The following EVA1C variants were observed in gnomAD, a reference collection of about 807,000 sequenced individuals.
The protein encoded by EVA1C is eva-1 homolog C, also known as protein eva-1 homolog C.
In EVA1C, 25 loss-of-function variants were observed where a neutral mutation model predicts 45.4. That is an observed-to-expected ratio of 0.55 (90% CI 0.40 to 0.77). EVA1C has a LOEUF of 0.77. Among genes scored for constraint, EVA1C ranks in the 30% least tolerant of loss-of-function variants. The probability of loss-of-function intolerance (pLI) is 0.00; values close to 1 mark genes in which losing one functional copy is unlikely to be tolerated. For synonymous variants in EVA1C, 190 were observed against 221.2 expected (o/e 0.86, Z 1.25); for missense variants, 479 against 554.8 (o/e 0.86, Z 1.37).
intron 1 of EVA1C, among the ~76,000 whole-genome samples, chr21:32,447,947 C>T (rs994964311): frequency 5.3e-5 from 8 of 152,106 alleles, no homozygotes; most frequent in African/African-American, 1.9e-4. Context: ...TCAGGTGATC[C>T]GCCTGCCTCG....
chr21:32,434,167 G>A (rs2034830801), intron 1 of EVA1C, among the ~76,000 whole-genome samples: 1 of 151,802 alleles, frequency 6.6e-6, no homozygotes, highest in Non-Finnish European at 1.5e-5. Flanking sequence ...ATAGTGGCGG[G>A]CACCTGTAAT....
chr21:32,428,884 T>C (rs1325063283), intron 1 of EVA1C, among the ~76,000 whole-genome samples: 1 of 152,360 alleles, frequency 6.6e-6, no homozygotes, highest in African/African-American at 2.4e-5. Context: ...TGCATTTTAG[T>C]GAACCTGAGG....
At chr21:32,472,312 C>T (rs2036405639) in intron 4 of EVA1C, among the ~76,000 whole-genome samples, 1 of 152,124 alleles carries the variant, frequency 6.6e-6, no homozygotes, top group African/African-American at 2.4e-5. Context: ...GCATGTGCCA[C>T]CACACCCAGC....
chr21:32,486,525 A>C (rs2146371752), intron 4 of EVA1C, among the ~76,000 whole-genome samples: 1 of 152,218 alleles, frequency 6.6e-6, no homozygotes. Context: ...TCTGACTCTA[A>C]ATGCCCACCA....
intron 3 of EVA1C, among the ~76,000 whole-genome samples, chr21:32,462,537 T>A (rs117077905): frequency 0.015 from 2,311 of 152,350 alleles, 24 homozygotes; most frequent in Non-Finnish European, 0.024. Context: ...AGGTGGCTAG[T>A]GATGTGTTGG....
chr21:32,412,636 G>A, upstream of EVA1C: 1 of 414,580 alleles, frequency 2.4e-6, no homozygotes, highest in Non-Finnish European at 4.2e-6. Flanking sequence ...TCCTTTTCGG[G>A]GATCCTCGCC....
intron 4 of EVA1C, among the ~76,000 whole-genome samples, chr21:32,472,591 G>A (rs573949524): frequency 1.3e-5 from 2 of 151,844 alleles, no homozygotes; most frequent in East Asian, 1.9e-4. Flanking sequence ...AGCTATGATC[G>A]CACCTCTGCA....
intron 1 of EVA1C, among the ~76,000 whole-genome samples, chr21:32,415,123 C>G (rs2033985424): frequency 6.6e-6 from 1 of 152,130 alleles, no homozygotes; most frequent in Admixed American, 6.5e-5. Context: ...CCCCATGTGG[C>G]CTCAAAGCTT....
intron 1 of EVA1C, among the ~76,000 whole-genome samples, chr21:32,423,432 A>G (rs951667850): frequency 5.3e-5 from 8 of 152,116 alleles, no homozygotes; most frequent in African/African-American, 1.9e-4. Flanking sequence ...TACTCCAAAA[A>G]ATCATTCCTT....
intron 1 of EVA1C, among the ~76,000 whole-genome samples, chr21:32,445,632 A>G (rs1297313409): frequency 6.6e-6 from 1 of 152,156 alleles, no homozygotes; most frequent in African/African-American, 2.4e-5. Context: ...TGTAAATGTG[A>G]TGAGGATGAC....
chr21:32,448,621 A>T (rs903427139), intron 1 of EVA1C, among the ~76,000 whole-genome samples: 2 of 151,966 alleles, frequency 1.3e-5, no homozygotes, highest in African/African-American at 4.8e-5. Flanking sequence ...AGAAAAATGG[A>T]GAAGAGGCCA....
At chr21:32,459,838 CAA>C (rs35572319) in intron 3 of EVA1C, among the ~76,000 whole-genome samples, 9 of 63,180 alleles carry the variant, frequency 1.4e-4, no homozygotes, top group South Asian at 7.9e-4. Context: ...GAGACTGTCT[CAA>C]AAAAAAAAAA....
At chr21:32,434,989 T>C (rs2034882015) in intron 1 of EVA1C, among the ~76,000 whole-genome samples, 1 of 152,312 alleles carries the variant, frequency 6.6e-6, no homozygotes, top group African/African-American at 2.4e-5. Context: ...AGTGCTGTTG[T>C]TATTGTCTTC....
At position 32,457,689 on chromosome 21, in the gene EVA1C, A is replaced by G; in HGVS notation, c.450A>G (p.Lys150=). 6 of 1,614,112 alleles carry G rather than the reference A, an allele frequency of 3.7e-6. No homozygotes were observed. Among genetic ancestry groups the G allele is most frequent in the Non-Finnish European group, 5.1e-6 (6 of 1,179,996 alleles). ...FGPDLCPGSS[K]YLLVSFKCQP... ...CTGACCTTTGTCCAGGAAGCAGTAA[A>G]TACCTCCTGGTCTCCTTTAAATGCC... Residue 150 remains lysine (K), a synonymous_variant, in exon 3 of 8, where the codon AAA becomes AAG. Transcript: ENST00000300255.
intron 7 of EVA1C, among the ~76,000 whole-genome samples, chr21:32,509,294 C>T (rs568442754): frequency 2.0e-4 from 30 of 152,348 alleles, no homozygotes; most frequent in African/African-American, 7.0e-4. Context: ...CCAAGCATTG[C>T]CCATATTGTC....
intron 4 of EVA1C, among the ~76,000 whole-genome samples, chr21:32,475,922 T>C: frequency 8.4e-6 from 1 of 119,692 alleles, no homozygotes; most frequent in Admixed American, 9.3e-5. Flanking sequence ...TATCTATCTA[T>C]CTATCTATAT....
At chr21:32,418,421 G>T (rs1293411104) in intron 1 of EVA1C, among the ~76,000 whole-genome samples, 1 of 152,226 alleles carries the variant, frequency 6.6e-6, no homozygotes, top group Non-Finnish European at 1.5e-5. Context: ...CCCACAAGTG[G>T]TCCCTGTTAT....
Position 32,514,914 on chromosome 21 carries a change from C to G in EVA1C, c.1050C>G (p.Asp350Glu), listed in dbSNP as rs781735727. 6.2e-7 allele frequency: 1 copy of G among 1,614,090 alleles called. No individual in the cohort carries two copies. The highest frequency in any genetic ancestry group is 1.1e-5 in the South Asian group (1 of 91,074). Residue 350 changes from aspartate (D) to glutamate (E), a missense_variant, in exon 8 of 8, where the codon GAC (aspartate) becomes GAG (glutamate). This residue lies in a region of EVA1C where 366 missense variants were observed against 426.1 expected (regional missense o/e 0.86). Coordinates refer to ENST00000300255, the MANE Select transcript of EVA1C (RefSeq NM_058187.5). ...TCATCAGAGAGTCCTGTGCCAAGGA[C>G]TTCCGCGACTTGCAGCTGGGGAGGG... ...ALVIRESCAK[D>E]FRDLQLGREQ...
At chr21:32,496,770 G>A (rs1471485286) in intron 5 of EVA1C, 4 of 686,164 alleles carry the variant, frequency 5.8e-6, no homozygotes. Flanking sequence ...CGGGAAAGCT[G>A]AGACACTGCT....
Sources: gnomAD v4.1 joint callset for allele counts (sites outside exome capture counted in the v4.1 genomes callset) on GRCh38, gnomAD v4.1.1 for gene constraint, gnomAD v4.1.1 regional missense constraint, MANE v1.5 for transcripts, NCBI Gene and HGNC (gene_info 2026-07-23, HGNC 2026-07-21) for gene names.